The following KCNK2 variants were observed in gnomAD, a reference collection of about 807,000 sequenced individuals.
KCNK2 encodes the protein potassium channel subfamily K member 2.
Under a neutral mutation model 40.5 loss-of-function variants are expected in KCNK2, and 21 were observed. The ratio of observed to expected loss-of-function variants is 0.52; its 90% CI spans 0.37 to 0.75. The LOEUF (loss-of-function observed/expected upper bound fraction) is 0.75, where lower values mean the gene tolerates loss of function less well. Ranked by LOEUF, KCNK2 falls within the 30% of genes least tolerant of loss-of-function variation. The pLI, the probability that KCNK2 is intolerant of heterozygous loss-of-function variation, is 0.00. For synonymous variants in KCNK2, 191 were observed against 202.2 expected (o/e 0.94, Z 0.47); for missense variants, 399 against 531.6 (o/e 0.75, Z 2.45).
At chr1:215,020,615 G>A (rs558657585) in intron 1 of KCNK2, among the ~76,000 whole-genome samples, 4 of 152,170 alleles carry the variant, frequency 2.6e-5, no homozygotes, top group East Asian at 1.9e-4. Context: ...TAGTAGGCAC[G>A]AGATTTCACC....
intron 1 of KCNK2, among the ~76,000 whole-genome samples, chr1:215,070,470 T>C (rs1240700795): frequency 2.0e-5 from 3 of 148,156 alleles, no homozygotes; most frequent in Non-Finnish European, 4.5e-5. Flanking sequence ...AATTGACTTA[T>C]AGTTCCACAT....
chr1:215,111,771 G>A (rs1043774386), intron 2 of KCNK2, among the ~76,000 whole-genome samples: 7 of 151,378 alleles, frequency 4.6e-5, no homozygotes, highest in Non-Finnish European at 8.8e-5. Flanking sequence ...TTCTTTAATT[G>A]GGCCATGTTT....
chr1:215,097,256 A>G (rs1010898451), intron 2 of KCNK2, among the ~76,000 whole-genome samples: 2 of 151,908 alleles, frequency 1.3e-5, no homozygotes, highest in African/African-American at 4.8e-5. Flanking sequence ...CTAGACACGT[A>G]TGGTAGTGCA....
intron 3 of KCNK2, among the ~76,000 whole-genome samples, chr1:215,130,227 A>G (rs551913575): frequency 1.1e-4 from 16 of 152,308 alleles, no homozygotes; most frequent in African/African-American, 3.8e-4. Flanking sequence ...TGAAAGCTCC[A>G]TAAAATCCCC....
At chr1:215,043,392 A>C (rs115124597) in intron 1 of KCNK2, among the ~76,000 whole-genome samples, 266 of 152,348 alleles carry the variant, frequency 1.7e-3, no homozygotes, top group African/African-American at 6.3e-3. Flanking sequence ...GGTGAAAACA[A>C]CCCAAATATC....
intron 1 of KCNK2, among the ~76,000 whole-genome samples, chr1:215,055,446 C>T (rs145457796): frequency 4.9e-4 from 75 of 152,318 alleles, no homozygotes; most frequent in African/African-American, 1.8e-3. Flanking sequence ...CACAGAACTG[C>T]TTCTGTAGCT....
rs1664566595 is a variant in KCNK2 at position 215,189,202 on chromosome 1, G to A, written c.824-5751G>A. 2.0e-5 allele frequency among the ~76,000 whole-genome samples: 3 copies of A among 152,122 alleles called. No individual in the cohort carries two copies. The South Asian group carries it at 6.2e-4, about 32-fold the overall frequency. On this transcript the variant is annotated intron_variant, in intron 5 of 6. Coordinates refer to ENST00000444842, the MANE Select transcript of KCNK2 (RefSeq NM_001017425.3). ...AAATGGTTCAGAAGTCTTAGGGACT[G>A]TGGACAAACCAAAAAGTTACTTAAC...
intron 6 of KCNK2, among the ~76,000 whole-genome samples, chr1:215,208,950 G>C (rs1173145786): frequency 6.6e-6 from 1 of 151,494 alleles, no homozygotes; most frequent in Non-Finnish European, 1.5e-5. Flanking sequence ...GTCTCGGCAT[G>C]CATAGTAGCT....
At chr1:215,135,561 AT>A (rs1317396840) in intron 3 of KCNK2, among the ~76,000 whole-genome samples, 1 of 151,764 alleles carries the variant, frequency 6.6e-6, no homozygotes, top group Admixed American at 6.6e-5. Flanking sequence ...CATACCCCTA[AT>A]TTTTATAATA....
chr1:215,230,971 T>TACCAA (rs1666637540), intron 6 of KCNK2, among the ~76,000 whole-genome samples: 1 of 152,208 alleles, frequency 6.6e-6, no homozygotes, highest in Non-Finnish European at 1.5e-5. Flanking sequence ...TCTGAGCTTT[T>TACCAA]CTTGCATTCA....
chr1:215,058,832 G>A (rs1456102836), intron 1 of KCNK2, among the ~76,000 whole-genome samples: 1 of 151,934 alleles, frequency 6.6e-6, no homozygotes, highest in African/African-American at 2.4e-5. Flanking sequence ...TTGAATGCCT[G>A]TTTCTTTTCT....
chr1:215,050,108 TG>T (rs1657930575), intron 1 of KCNK2, among the ~76,000 whole-genome samples: 5 of 152,304 alleles, frequency 3.3e-5, no homozygotes, highest in Admixed American at 1.3e-4. Context: ...TTGAGATTTT[TG>T]CTATGTTGAG....
At chr1:215,220,441 C>T (rs931320349) in intron 6 of KCNK2, among the ~76,000 whole-genome samples, 1 of 152,108 alleles carries the variant, frequency 6.6e-6, no homozygotes, top group Non-Finnish European at 1.5e-5. Context: ...TTGGGTTGAC[C>T]TCGTCACCCA....
intron 1 of KCNK2, among the ~76,000 whole-genome samples, chr1:215,030,458 T>C (rs1657147232): frequency 6.6e-6 from 1 of 152,250 alleles, no homozygotes; most frequent in Non-Finnish European, 1.5e-5. Context: ...TTTGGTGTTG[T>C]ATCTAAAAAG....
intron 6 of KCNK2, among the ~76,000 whole-genome samples, chr1:215,207,310 A>C (rs965719626): frequency 2.6e-5 from 4 of 152,104 alleles, no homozygotes; most frequent in Admixed American, 6.6e-5. Flanking sequence ...CCCTATTGTG[A>C]ACTGTGCACA....
At chr1:215,138,466 T>C (rs1662027381) in intron 3 of KCNK2, among the ~76,000 whole-genome samples, 1 of 151,930 alleles carries the variant, frequency 6.6e-6, no homozygotes, top group Non-Finnish European at 1.5e-5. Context: ...GGGATAGAAA[T>C]TGTGGGTGTA....
At chr1:215,075,681 T>A (rs1658901532) in intron 1 of KCNK2, among the ~76,000 whole-genome samples, 1 of 152,200 alleles carries the variant, frequency 6.6e-6, no homozygotes, top group Non-Finnish European at 1.5e-5. Flanking sequence ...CTTTTAAGCT[T>A]GAAAGTGGAT....
chr1:215,123,765 G>A (rs535435751), intron 2 of KCNK2, among the ~76,000 whole-genome samples: 85 of 152,162 alleles, frequency 5.6e-4, no homozygotes, highest in African/African-American at 2.0e-3. Flanking sequence ...GATCTCCAAA[G>A]CTATATTTCC....
chr1:215,203,930 C>G (rs577515020), intron 6 of KCNK2, among the ~76,000 whole-genome samples: 1 of 139,476 alleles, frequency 7.2e-6, no homozygotes, highest in Non-Finnish European at 1.5e-5. Flanking sequence ...CCCAGCTACT[C>G]GGGAGGCCGA....
Sources: allele counts gnomAD v4.1 joint callset (sites outside exome capture counted in the v4.1 genomes callset), GRCh38; gene constraint gnomAD v4.1.1; transcripts MANE v1.5; gene names NCBI Gene and HGNC (gene_info 2026-07-23, HGNC 2026-07-21).